Variants in TMEM18 observed in about 807,000 individuals in gnomAD.
The protein encoded by TMEM18 is transmembrane protein 18.
Under a neutral mutation model 17.4 loss-of-function variants are expected in TMEM18, and 14 were observed. That is an observed-to-expected ratio of 0.80 (90% CI 0.53 to 1.25). TMEM18 has a LOEUF of 1.25. Ranked by LOEUF, TMEM18 falls within the 50% of genes most tolerant of loss-of-function variation. TMEM18 has a pLI of 0.00. For synonymous variants in TMEM18, 86 were observed against 66.1 expected (o/e 1.30, Z -1.46); for missense variants, 187 against 172.1 (o/e 1.09, Z -0.48).
chr2:673,746 G>A (rs1300977097), intron 2 of TMEM18, among the ~76,000 whole-genome samples: 2 of 145,008 alleles, frequency 1.4e-5, no homozygotes, highest in Non-Finnish European at 3.0e-5. Flanking sequence ...AGGAGGAGGA[G>A]GAGGAGGGGG....
chr2:674,635 T>C (rs1323316829), intron 2 of TMEM18, among the ~76,000 whole-genome samples: 2 of 152,268 alleles, frequency 1.3e-5, no homozygotes, highest in Admixed American at 1.3e-4. Context: ...GCCCCCACTG[T>C]GATGCAAACC....
intron 1 of TMEM18, chr2:676,450 G>A: frequency 8.9e-7 from 1 of 1,122,790 alleles, no homozygotes; most frequent in Non-Finnish European, 1.2e-6. Context: ...CCTCCAAGCT[G>A]CAGCCCGGCA....
chr2:674,910 C>T (rs1678955427), intron 2 of TMEM18, among the ~76,000 whole-genome samples: 2 of 152,248 alleles, frequency 1.3e-5, no homozygotes, highest in Non-Finnish European at 2.9e-5. Context: ...CTCTGATCCA[C>T]ACCTTCCATC....
At chr2:674,679 C>A (rs1440916849) in intron 2 of TMEM18, among the ~76,000 whole-genome samples, 1 of 152,258 alleles carries the variant, frequency 6.6e-6, no homozygotes, top group East Asian at 1.9e-4. Context: ...AAGATCATCT[C>A]TTCTTCAGAT....
rs1330187142 is a variant in TMEM18, at chr2:664,329, G to GT, written c.*5250dup. Among the ~76,000 whole-genome samples the GT allele has an allele frequency of 2.6e-5, 4 of 152,180 alleles. No homozygotes were observed. The highest frequency in any genetic ancestry group is 9.7e-5 in the African/African-American group (4 of 41,440). ...CTGATGATACATAAAGCAAAAAACT[G>GT]TTTGACTTTCTAAAACCTTTTCAAC... On this transcript the variant is annotated 3_prime_UTR_variant, in exon 5 of 5. Transcript: ENST00000281017.
chr2:669,480 C>T lies in TMEM18; in HGVS notation c.*100G>A. The T allele has an allele frequency of 8.2e-7, 1 of 1,220,332 alleles. No homozygotes were observed. 75.6% of individuals were successfully genotyped at this position (1,220,332 alleles called of 1,614,324 possible). On this transcript the variant is annotated 3_prime_UTR_variant, in exon 5 of 5. Transcript: ENST00000281017. Reference sequence around the variant, plus strand: ...TAAATAAAACAACGGTTTTTCAAACCATGAGTCAGCTGGAAGGATGCCCAC... The same window carrying T: ...TAAATAAAACAACGGTTTTTCAAACTATGAGTCAGCTGGAAGGATGCCCAC...
Position 676,094 on chromosome 2 carries a change from C to A in TMEM18, c.58-464G>T, listed in dbSNP as rs760918756. 2 of 1,322,194 alleles carry A rather than the reference C, an allele frequency of 1.5e-6. 1 individual carries two copies. Among genetic ancestry groups the A allele is most frequent in the South Asian group, 2.5e-5 (2 of 81,200 alleles). 81.9% of individuals were successfully genotyped at this position (1,322,194 alleles called of 1,614,324 possible). ...AAACATGAATCATCATTTCAGACTC[C>A]TTAGTCAGCACTGAAGACCTCAGGG... On this transcript the variant is annotated intron_variant, in intron 1 of 4. Transcript: ENST00000281017.
chr2:670,023 T>A, intron 3 of TMEM18, 173 bp from the exon 4 acceptor site: 1 of 590,316 alleles, frequency 1.7e-6, no homozygotes, highest in Non-Finnish European at 3.0e-6. Context: ...CTGTCCCAAA[T>A]GCAATGAATG....
chr2:669,913 G>A (rs1024603267), intron 3 of TMEM18, 63 bp from the exon 4 acceptor site: 14 of 1,299,016 alleles, frequency 1.1e-5, no homozygotes, highest in South Asian at 5.2e-5. Context: ...TAGTGACACC[G>A]TCTATTTAGA....
Position 677,334 on chromosome 2 carries a change from G to A in TMEM18, c.12C>T (p.Ala4=), listed in dbSNP as rs997638842. ...TGACGGGGAAAGAGCTGACAGAGAA[G>A]GCGGACGGCATGGTGTTGGGAAGCC... MPS[A]FSVSSFPVSI... is the part of the protein sequence containing the mutation. Residue 4 remains alanine (A), a synonymous_variant, in exon 1 of 5, where the codon GCC becomes GCT. Transcript: ENST00000281017. 3.1e-5 allele frequency: 50 copies of A among 1,612,340 alleles called. No homozygotes were observed. The highest frequency in any genetic ancestry group is 4.1e-5 in the Non-Finnish European group (48 of 1,179,852).
rs1314516138 is a variant in TMEM18, at chr2:665,946, A to G, written c.*3634T>C. 1.3e-5 allele frequency among the ~76,000 whole-genome samples: 2 copies of G among 151,468 alleles called. No homozygotes were observed. The highest frequency in any genetic ancestry group is 4.9e-5 in the African/African-American group (2 of 41,190). ...CTCAGATGGAGTGTTAACCCCACGC[A>G]CACAAAACCCAGAGATGCGGATGCC... On this transcript the variant is annotated 3_prime_UTR_variant, in exon 5 of 5. Transcript: ENST00000281017.
rs1258880549 is a variant in TMEM18 at position 672,879 on chromosome 2, G to A, written c.179-17C>T. ...CTAAGATGACTGAAAAAAGGTACAA[G>A]TCATATTAGAATTTAGATGGCCCGT... On this transcript the variant is annotated splice_polypyrimidine_tract_variant and intron_variant, in intron 2 of 4. Coordinates refer to ENST00000281017, the MANE Select transcript of TMEM18 (RefSeq NM_152834.4). 1 of 1,510,168 alleles carries A rather than the reference G, an allele frequency of 6.6e-7. No individual in the cohort carries two copies. The allele number at this position is 1,510,168 out of a possible 1,614,324, so 93.5% of individuals were successfully genotyped here.
At chr2:675,828 A>G in intron 1 of TMEM18, 198 bp from the exon 2 acceptor site, 14 of 1,527,742 alleles carry the variant, frequency 9.2e-6, no homozygotes, top group Non-Finnish European at 1.2e-5. Context: ...AACCAGGAGG[A>G]TGGAAACAGG....
rs972427282 is a variant in TMEM18, at chr2:664,529, C to T, written c.*5051G>A. Reference sequence around the variant, plus strand: ...AAAACACCAACAATCATTTGAAAAGCGTTAAACCTCACAGGTAACCACAGA... The same window carrying T: ...AAAACACCAACAATCATTTGAAAAGTGTTAAACCTCACAGGTAACCACAGA... On this transcript the variant is annotated 3_prime_UTR_variant, in exon 5 of 5. Coordinates refer to ENST00000281017, the MANE Select transcript of TMEM18 (RefSeq NM_152834.4). Among the ~76,000 whole-genome samples the T allele has an allele frequency of 4.6e-5, 7 of 152,156 alleles. No homozygotes were observed. The highest frequency in any genetic ancestry group is 8.8e-5 in the Non-Finnish European group (6 of 68,020).
Position 669,373 on chromosome 2 carries a change from C to A in TMEM18, c.*207G>T. ...ACAGCCTGACTACAAAGATCAGGCA[C>A]CTGAAGACGCATGTCCTGATGGATA... is the stretch of plus-strand genomic sequence containing the variant. On this transcript the variant is annotated 3_prime_UTR_variant, in exon 5 of 5. Transcript: ENST00000281017. 1.7e-6 allele frequency: 1 copy of A among 597,528 alleles called. No individual in the cohort carries two copies. Among genetic ancestry groups the A allele is most frequent in the Non-Finnish European group, 3.0e-6 (1 of 335,998 alleles). 37.0% of individuals were successfully genotyped at this position (597,528 alleles called of 1,614,324 possible). A position where few individuals can be genotyped will look rare whatever the true frequency, so the allele number is the denominator to read the frequency against.
At position 668,819 on chromosome 2, in the gene TMEM18, C is replaced by A. The variant is rs986563289; in HGVS notation, c.*761G>T. The A allele has an allele frequency of 6.6e-6, 1 of 152,244 alleles. No homozygotes were observed. Among genetic ancestry groups the A allele is most frequent in the East Asian group, 1.9e-4 (1 of 5,200 alleles). The allele number at this position is 152,244 out of a possible 1,614,324, so 9.4% of individuals were successfully genotyped here. A position where few individuals can be genotyped will look rare whatever the true frequency, so the allele number is the denominator to read the frequency against. ...GAACACCAGGACATTAGGAAAGACA[C>A]GCTTCTCCATGGAGTGTTGACTTCA... On this transcript the variant is annotated 3_prime_UTR_variant, in exon 5 of 5. Transcript: ENST00000281017.
intron 3 of TMEM18, 192 bp from the exon 4 acceptor site, chr2:670,042 G>C (rs978367128): frequency 1.8e-6 from 1 of 570,802 alleles, no homozygotes; most frequent in Non-Finnish European, 3.1e-6. Flanking sequence ...TGCTCATTAT[G>C]AAGAAAACAC....
intron 3 of TMEM18, among the ~76,000 whole-genome samples, chr2:672,287 C>T (rs1678869051): frequency 6.6e-6 from 1 of 152,154 alleles, no homozygotes; most frequent in African/African-American, 2.4e-5. Context: ...TGCTGGGTTC[C>T]GAGTCCCCTG....
rs952994825 is a variant in TMEM18, at chr2:664,465, C to T, written c.*5115G>A. ...GTTTTTTAAAGCCCATATTGCAAAA[C>T]AAAGAAGAATACGAACAGATTATTC... On this transcript the variant is annotated 3_prime_UTR_variant, in exon 5 of 5. Coordinates refer to ENST00000281017, the MANE Select transcript of TMEM18 (RefSeq NM_152834.4). Among the ~76,000 whole-genome samples, 7 of 152,144 alleles carry T rather than the reference C, an allele frequency of 4.6e-5. No individual in the cohort carries two copies. The highest frequency in any genetic ancestry group is 1.4e-4 in the African/African-American group (6 of 41,438).
Sources: allele counts gnomAD v4.1 joint callset (sites outside exome capture counted in the v4.1 genomes callset), GRCh38; gene constraint gnomAD v4.1.1; transcripts MANE v1.5; gene names NCBI Gene and HGNC (gene_info 2026-07-23, HGNC 2026-07-21).